EHBP1: variants seen among roughly 807,000 people sequenced by gnomAD.
The protein encoded by EHBP1 is EH domain-binding protein 1.
Under a neutral mutation model 144.0 loss-of-function variants are expected in EHBP1, and 55 were observed. The ratio of observed to expected loss-of-function variants is 0.38; its 90% CI spans 0.31 to 0.48. EHBP1 has a LOEUF of 0.48. EHBP1 is among the 20% of genes least tolerant of loss of function. EHBP1 has a pLI of 0.98. For synonymous variants in EHBP1, 469 were observed against 472.7 expected, an observed-to-expected ratio of 0.99 and a Z score of 0.10; for missense variants, 1,200 against 1,364.2, an observed-to-expected ratio of 0.88 and a Z score of 1.90.
In EHBP1 at chr2:62,826,216, G is replaced by A. The variant is rs2046335993; in HGVS notation, c.442G>A (p.Ala148Thr). The change falls in exon 6 of 23, where the codon GCC (alanine) becomes ACC (threonine). Residue 148 changes from alanine (A) to threonine (T), a missense_variant. By Grantham distance (58) the Ala-to-Thr change is moderately conservative. Around this residue, in one of 6 missense-constraint regions of EHBP1, gnomAD observed 137 missense variants for 190.1 expected, o/e 0.72. Transcript: ENST00000431489. ...GCCATTATCTAAAAAAGTTGTATCTGCCGCTCTTCAGTTTTCATTATCTTG... is the reference window on the plus strand; with the variant it reads ...GCCATTATCTAAAAAAGTTGTATCTACCGCTCTTCAGTTTTCATTATCTTG... Reference protein sequence around the residue: ...FKPLSKKVVSAALQFSLSCIF... With the variant: ...FKPLSKKVVSTALQFSLSCIF... 1.2e-6 allele frequency: 2 copies of A among 1,608,368 alleles called. No individual in the cohort carries two copies. Among genetic ancestry groups the A allele is most frequent in the African/African-American group, 1.3e-5 (1 of 74,578 alleles).
chr2:62,859,208 A>C lies in EHBP1; in HGVS notation c.674A>C (p.Lys225Thr), dbSNP rs145562120. The C allele has an allele frequency of 2.4e-5, 38 of 1,612,032 alleles. No homozygotes were observed. The East Asian group carries it at 3.1e-4, about 13-fold the overall frequency. ...CTTAACTTTTTGGATGAAGCAGAAA[A>C]GGACTTGGCCACCGTGAATTCAAAT... The part of the protein sequence containing the change: ...NKLNFLDEAE[K>T]DLATVNSNPF... The change falls in exon 8 of 23, where the codon AAG becomes ACG. Residue 225 changes from lysine to threonine, a missense_variant. Lys to Thr is a moderately conservative substitution (Grantham distance 78). Around this residue, in one of 6 missense-constraint regions of EHBP1, gnomAD observed 266 missense variants for 262.4 expected, o/e 1.01. Coordinates refer to ENST00000431489, the MANE Select transcript of EHBP1 (RefSeq NM_001142616.3).
intron 3 of EHBP1, among the ~76,000 whole-genome samples, chr2:62,754,242 G>A (rs2040045781): frequency 6.6e-6 from 1 of 152,160 alleles, no homozygotes; most frequent in South Asian, 2.1e-4. Flanking sequence ...GTCTGTTGGA[G>A]TTTGCTGGAG....
intron 14 of EHBP1, among the ~76,000 whole-genome samples, chr2:62,961,650 A>G (rs1197434783): frequency 1.3e-5 from 2 of 152,246 alleles, no homozygotes; most frequent in Non-Finnish European, 2.9e-5. Flanking sequence ...ATATAAGCAC[A>G]GACTTGAAGA....
At chr2:62,747,279 A>G (rs1034959476) in intron 2 of EHBP1, 116 bp from the exon 3 acceptor site, 6 of 783,856 alleles carry the variant, frequency 7.7e-6, no homozygotes, top group Non-Finnish European at 1.2e-5. Flanking sequence ...CTTTATTGTA[A>G]CAGTAGCTGC....
At chr2:63,011,777 A>G (rs563126927) in intron 19 of EHBP1, among the ~76,000 whole-genome samples, 4 of 151,986 alleles carry the variant, frequency 2.6e-5, no homozygotes, top group Non-Finnish European at 5.9e-5. Flanking sequence ...AGTCAAAATG[A>G]TTTTATTCAA....
At chr2:63,006,888 G>A (rs1036647269) in intron 19 of EHBP1, among the ~76,000 whole-genome samples, 1 of 151,630 alleles carries the variant, frequency 6.6e-6, no homozygotes. Flanking sequence ...TATTATGTCT[G>A]TTCATAAGTC....
intron 10 of EHBP1, chr2:62,939,882 C>T (rs1301776756): frequency 1.7e-5 from 3 of 181,766 alleles, no homozygotes; most frequent in African/African-American, 7.1e-5. Context: ...GGCTCCTACT[C>T]CTGACTCATG....
intron 10 of EHBP1, among the ~76,000 whole-genome samples, chr2:62,876,147 C>G (rs2050870983): frequency 6.6e-6 from 1 of 152,100 alleles, no homozygotes; most frequent in South Asian, 2.1e-4. Context: ...CTGTGAGATT[C>G]CATATAAGAT....
chr2:63,020,766 C>A (rs188795485), intron 19 of EHBP1, among the ~76,000 whole-genome samples: 54 of 151,674 alleles, frequency 3.6e-4, no homozygotes, highest in Admixed American at 3.2e-3. Flanking sequence ...GCAACATTTG[C>A]CTCCCAGGTT....
chr2:62,680,669 A>G (rs1327907114), intron 1 of EHBP1, among the ~76,000 whole-genome samples: 6 of 152,156 alleles, frequency 3.9e-5, no homozygotes, highest in Admixed American at 3.9e-4. Flanking sequence ...GGGTTCTTCT[A>G]GGAGTGAAGA....
chr2:62,966,108 C>G (rs529568255), intron 14 of EHBP1, among the ~76,000 whole-genome samples: 1 of 152,244 alleles, frequency 6.6e-6, no homozygotes, highest in South Asian at 2.1e-4. Context: ...GAGTCTGATT[C>G]TTTTATTTTT....
At chr2:62,680,645 A>G (rs912364460) in intron 1 of EHBP1, among the ~76,000 whole-genome samples, 3 of 132,292 alleles carry the variant, frequency 2.3e-5, no homozygotes, top group Admixed American at 7.5e-5. Context: ...CTGGACTCTA[A>G]TAGTCAGAAA....
chr2:62,793,653 C>A (rs542222492), intron 5 of EHBP1, among the ~76,000 whole-genome samples: 1 of 151,988 alleles, frequency 6.6e-6, no homozygotes, highest in Non-Finnish European at 1.5e-5. Context: ...GTCTTATTAC[C>A]TTTCAGGATA....
chr2:62,727,622 A>G (rs1444442657), intron 2 of EHBP1, among the ~76,000 whole-genome samples: 3 of 152,206 alleles, frequency 2.0e-5, no homozygotes, highest in African/African-American at 7.2e-5. Context: ...CATGTGTAAC[A>G]AATGTCAATA....
chr2:62,906,183 A>G (rs184767697), intron 10 of EHBP1, among the ~76,000 whole-genome samples: 16 of 151,168 alleles, frequency 1.1e-4, no homozygotes, highest in Admixed American at 1.1e-3. Context: ...ATTTATACCC[A>G]GTCATTCCAG....
chr2:62,705,525 G>C (rs1375997953), upstream of EHBP1: 1 of 151,826 alleles, frequency 6.6e-6, no homozygotes, highest in African/African-American at 2.4e-5. Context: ...CCTGTGCGTC[G>C]CATTCCGGCT....
chr2:62,857,047 A>C (rs1471607189), intron 7 of EHBP1, among the ~76,000 whole-genome samples: 1 of 152,168 alleles, frequency 6.6e-6, no homozygotes, highest in Non-Finnish European at 1.5e-5. Context: ...CTTCTAGACA[A>C]GGTTGGCTTC....
Position 62,990,854 on chromosome 2 carries a change from G to A in EHBP1, c.2733+14G>A. The A allele has an allele frequency of 1.2e-6, 2 of 1,600,284 alleles. No individual in the cohort carries two copies. The highest frequency in any genetic ancestry group is 1.7e-6 in the Non-Finnish European group (2 of 1,173,438). The stretch of plus-strand genomic sequence containing the variant: ...CAGGACATGAAAGTAAGTCTTACTT[G>A]TTTAAAACATTTGGCTTAGTATCTG... On this transcript the variant is annotated intron_variant, in intron 16 of 22. Coordinates refer to ENST00000431489, the MANE Select transcript of EHBP1 (RefSeq NM_001142616.3).
chr2:62,905,193 G>T (rs1467791420), intron 10 of EHBP1, among the ~76,000 whole-genome samples: 1 of 152,160 alleles, frequency 6.6e-6, no homozygotes, highest in East Asian at 1.9e-4. Flanking sequence ...TATATTGGGG[G>T]TCATAGAAAG....
Sources: allele counts gnomAD v4.1 joint callset (sites outside exome capture counted in the v4.1 genomes callset), GRCh38; gene constraint gnomAD v4.1.1; regional missense constraint gnomAD v4.1.1; transcripts MANE v1.5; gene names NCBI Gene and HGNC (gene_info 2026-07-23, HGNC 2026-07-21).